Variants in ITIH3 observed in about 807,000 individuals in gnomAD.
ITIH3 encodes the protein inter-alpha-trypsin inhibitor heavy chain H3.
In ITIH3, 81 loss-of-function variants were observed where a neutral mutation model predicts 96.5. The ratio of observed to expected loss-of-function variants is 0.84; its 90% confidence interval spans 0.70 to 1.01. The LOEUF (loss-of-function observed/expected upper bound fraction) is 1.01. ITIH3 is among the 50% of genes least tolerant of loss of function. The pLI is 0.00. For synonymous variants in ITIH3, 422 were observed against 445.2 expected (o/e 0.95, Z 0.66); for missense variants, 1,057 against 1,139.3 (o/e 0.93, Z 1.04).
At position 52,803,842 on chromosome 3, in the gene ITIH3, C is replaced by T. The variant is rs1338747073; in HGVS notation, c.1710-13C>T. On this transcript the variant is annotated splice_polypyrimidine_tract_variant and intron_variant, in intron 13 of 21. Transcript: ENST00000449956. ...CTCTCCAGGCTGTCCTCCTGACTGGCCCCTCCTCACAGCAAGAACGCCCAT... is the reference window on the plus strand; with the variant it reads ...CTCTCCAGGCTGTCCTCCTGACTGGTCCCTCCTCACAGCAAGAACGCCCAT... 4.3e-6 allele frequency: 7 copies of T among 1,613,576 alleles called. No individual in the cohort carries two copies. In the East Asian group the frequency reaches 1.3e-4, roughly 31 times the overall value.
Position 52,801,059 on chromosome 3 carries a change from T to C in ITIH3, c.1296T>C (p.Asn432=), listed in dbSNP as rs1419628140. 6.2e-7 allele frequency: 1 copy of C among 1,613,570 alleles called. No homozygotes were observed. Among genetic ancestry groups the C allele is most frequent in the South Asian group, 1.1e-5 (1 of 90,988 alleles). ...LYNLGFGNNL[N]YNFLENMALE... Reference sequence around the variant, plus strand: ...ACCTGGGCTTTGGCAACAATCTGAATTATAACTTCCTGGAGAACATGGCCC... The same window carrying C: ...ACCTGGGCTTTGGCAACAATCTGAACTATAACTTCCTGGAGAACATGGCCC... The change falls in exon 11 of 22, where the codon AAT becomes AAC. Residue 432 remains asparagine, a synonymous_variant. Coordinates refer to ENST00000449956, the MANE Select transcript of ITIH3 (RefSeq NM_002217.4).
chr3:52,794,825 T>C lies in ITIH3; in HGVS notation c.22T>C (p.Cys8Arg), dbSNP rs373235618. 12 of 1,613,986 alleles carry C rather than the reference T, an allele frequency of 7.4e-6. No individual in the cohort carries two copies. Among genetic ancestry groups the C allele is most frequent in the Non-Finnish European group, 1.0e-5 (12 of 1,179,844 alleles). ...AGCGATGGCATTTGCATGGTGGCCC[T>C]GTCTCATCTTGGCTCTGCTCTCCAG... MAFAWWP[C>R]LILALLSSLA... Residue 8 changes from cysteine to arginine, a missense_variant, in exon 1 of 22, where the codon TGT becomes CGT. Physicochemically the swap from Cys to Arg is radical, Grantham distance 180. Transcript: ENST00000449956.
chr3:52,799,195 G>A (rs1699712401), intron 7 of ITIH3, 104 bp downstream of exon 7: 1 of 1,443,712 alleles, frequency 6.9e-7, no homozygotes, highest in Non-Finnish European at 9.5e-7. Flanking sequence ...GCCCAAGGCT[G>A]TTTTCCTGCA....
At chr3:52,805,914 G>A (rs1483784941) in intron 16 of ITIH3, 74 bp downstream of exon 16, 1 of 1,585,174 alleles carries the variant, frequency 6.3e-7, no homozygotes, top group Non-Finnish European at 8.6e-7. Flanking sequence ...CTCCACCGTG[G>A]CTACTCACTC....
rs568520100 is a variant in ITIH3, at chr3:52,797,425, A to G, written c.549+158A>G. Reference sequence around the variant, plus strand: ...GGAGGAATTCAATGGTTCTGGCCAAAAGCATCTGGGGCCAAGGGGAAGAGG... The same window carrying G: ...GGAGGAATTCAATGGTTCTGGCCAAGAGCATCTGGGGCCAAGGGGAAGAGG... On this transcript the variant is annotated intron_variant, in intron 5 of 21. Coordinates refer to ENST00000449956, the MANE Select transcript of ITIH3 (RefSeq NM_002217.4). Among the ~76,000 whole-genome samples the G allele has an allele frequency of 6.6e-5, 10 of 152,284 alleles. No homozygotes were observed. The South Asian group carries it at 2.1e-3, about 32-fold the overall frequency.
At chr3:52,797,616 C>T (rs968536970) in intron 5 of ITIH3, among the ~76,000 whole-genome samples, 10 of 152,190 alleles carry the variant, frequency 6.6e-5, no homozygotes, top group Non-Finnish European at 1.3e-4. Context: ...ATATGGCAGG[C>T]GGTGGTAACA....
At chr3:52,801,956 G>A (rs1699845647) in intron 11 of ITIH3, among the ~76,000 whole-genome samples, 1 of 152,082 alleles carries the variant, frequency 6.6e-6, no homozygotes, top group Admixed American at 6.5e-5. Context: ...TCCCTCCTCT[G>A]TCTCCAGATC....
intron 8 of ITIH3, 73 bp from the exon 9 acceptor site, chr3:52,799,680 G>C (rs1056363104): frequency 6.8e-7 from 1 of 1,460,762 alleles, no homozygotes; most frequent in African/African-American, 1.4e-5. Flanking sequence ...GGCGTGGGCT[G>C]CACCGCCTGC....
Position 52,802,388 on chromosome 3 carries a change from C to T in ITIH3, c.1438C>T (p.Pro480Ser). Residue 480 changes from proline to serine, a missense_variant, in exon 12 of 22, where the codon CCC becomes TCC. Coordinates refer to ENST00000449956, the MANE Select transcript of ITIH3 (RefSeq NM_002217.4). Reference sequence around the variant, plus strand: ...GCTGACGGGTGTGGAGATGGAGTACCCCGAGAACGCTATCCTGGACCTCAC... The same window carrying T: ...GCTGACGGGTGTGGAGATGGAGTACTCCGAGAACGCTATCCTGGACCTCAC... Reference protein sequence around the residue: ...PLLTGVEMEYPENAILDLTQN... With the variant: ...PLLTGVEMEYSENAILDLTQN... The T allele has an allele frequency of 6.2e-7, 1 of 1,613,954 alleles. No homozygotes were observed. The highest frequency in any genetic ancestry group is 8.5e-7 in the Non-Finnish European group (1 of 1,179,876).
chr3:52,795,998 C>T (rs1317900346), intron 2 of ITIH3: 1 of 264,900 alleles, frequency 3.8e-6, no homozygotes, highest in Admixed American at 5.1e-5. Flanking sequence ...AATTCAACAC[C>T]CCTATTGGAA....
At chr3:52,795,704 T>C in intron 2 of ITIH3, 81 bp downstream of exon 2, 1 of 1,389,884 alleles carries the variant, frequency 7.2e-7, no homozygotes, top group East Asian at 2.3e-5. Flanking sequence ...AGGTGTAGGC[T>C]ATAACAGCTG....
intron 15 of ITIH3, 108 bp downstream of exon 15, chr3:52,804,842 G>A: frequency 8.0e-7 from 1 of 1,250,278 alleles, no homozygotes; most frequent in Admixed American, 2.0e-5. Flanking sequence ...GGGCACACTT[G>A]GGACACCTGG....
chr3:52,799,893 G>A lies in ITIH3; in HGVS notation c.1047G>A (p.Thr349=), dbSNP rs201984888. Reference sequence around the variant, plus strand: ...CCGAGAACCTCCAGGAGGCCAGGACGTTTGTGAAGAGCATGGAGGATAAAG... The same window carrying A: ...CCGAGAACCTCCAGGAGGCCAGGACATTTGTGAAGAGCATGGAGGATAAAG... ...ATPENLQEAR[T]FVKSMEDKGM... is the part of the protein sequence containing the mutation. Residue 349 remains threonine, a synonymous_variant, in exon 9 of 22, where the codon ACG becomes ACA. Transcript: ENST00000449956. 1.7e-4 allele frequency: 282 copies of A among 1,613,884 alleles called. No homozygotes were observed. The highest frequency in any genetic ancestry group is 2.1e-4 in the Non-Finnish European group (246 of 1,179,818).
At chr3:52,803,756 T>C (rs1699934446) in intron 13 of ITIH3, 99 bp from the exon 14 acceptor site, 2 of 1,354,186 alleles carry the variant, frequency 1.5e-6, no homozygotes, top group East Asian at 2.4e-5. Context: ...ATGGGGAAGG[T>C]GGAGTGGGGA....
In ITIH3 at chr3:52,802,428, A is replaced by G; in HGVS notation, c.1478A>G (p.Gln493Arg). Residue 493 changes from glutamine (Q) to arginine (R), a missense_variant, in exon 12 of 22, where the codon CAG (glutamine) becomes CGG (arginine). Transcript: ENST00000449956. ...AILDLTQNTY[Q>R]HFYDGSEIVV... ...CTGGACCTCACCCAGAACACTTACC[A>G]GCACTTCTACGATGGCTCTGAGATC... is the stretch of plus-strand genomic sequence containing the variant. 1 of 1,613,954 alleles carries G rather than the reference A, an allele frequency of 6.2e-7. No individual in the cohort carries two copies. Among genetic ancestry groups the G allele is most frequent in the Non-Finnish European group, 8.5e-7 (1 of 1,179,874 alleles).
Position 52,806,835 on chromosome 3 carries a change from C to T in ITIH3, c.2057-66C>T, listed in dbSNP as rs539896532. The stretch of plus-strand genomic sequence containing the variant: ...CAGTCTGGTTGAAGAGGAAGGCACA[C>T]CCCTAAAGGCAATCTGGACTCAGAA... On this transcript the variant is annotated intron_variant, in intron 18 of 21. Transcript: ENST00000449956. 4.8e-5 allele frequency: 65 copies of T among 1,347,126 alleles called. No homozygotes were observed. In the Middle Eastern group the frequency reaches 6.3e-4, roughly 13 times the overall value. 83.4% of individuals were successfully genotyped at this position (1,347,126 alleles called of 1,614,324 possible).
Position 52,806,399 on chromosome 3 carries a change from A to C in ITIH3, c.2049A>C (p.Ala683=), listed in dbSNP as rs1700049880. Residue 683 remains alanine (A), a synonymous_variant, in exon 18 of 22, where the codon GCA becomes GCC. Transcript: ENST00000449956. ...CAGTGCTGCGCCTTATTCAGGATGC[A>C]GTCACAGGTGAGGCTTGTGGGCTAG... is the stretch of plus-strand genomic sequence containing the variant. ...PGTVLRLIQD[A]VTGLTVNGQI... 1 of 1,612,396 alleles carries C rather than the reference A, an allele frequency of 6.2e-7. No individual in the cohort carries two copies. Among genetic ancestry groups the C allele is most frequent in the African/African-American group, 1.3e-5 (1 of 74,898 alleles).
intron 6 of ITIH3, 140 bp downstream of exon 6, chr3:52,798,070 C>G (rs1699665762): frequency 1.6e-6 from 1 of 616,744 alleles, no homozygotes; most frequent in Non-Finnish European, 2.9e-6. Flanking sequence ...GCAACTATCA[C>G]CTTCCTCCTT....
rs1275405610 is a variant in ITIH3 at position 52,808,175 on chromosome 3, C to G, written c.2497C>G (p.Pro833Ala). The G allele has an allele frequency of 1.4e-5, 23 of 1,614,100 alleles. No individual in the cohort carries two copies. Among genetic ancestry groups the G allele is most frequent in the Non-Finnish European group, 1.9e-5 (22 of 1,180,032 alleles). The change falls in exon 21 of 22, where the codon CCA (proline) becomes GCA (alanine). Residue 833 changes from proline (P) to alanine (A), a missense_variant. Pro to Ala is a conservative substitution (Grantham distance 27). Transcript: ENST00000449956. ...DIRPGSDPTK[P>A]DATLVVKNHQ... ...CCGGCCAGGCTCTGACCCCACAAAG[C>G]CAGATGCCACATTGGTGGTGAAGAA...
Sources: gnomAD v4.1 joint callset for allele counts (sites outside exome capture counted in the v4.1 genomes callset) on GRCh38, gnomAD v4.1.1 for gene constraint, MANE v1.5 for transcripts, NCBI Gene and HGNC (gene_info 2026-07-23, HGNC 2026-07-21) for gene names.